Variants in PTPRD observed in about 807,000 individuals in gnomAD.
PTPRD encodes protein tyrosine phosphatase receptor type D, also known as receptor-type tyrosine-protein phosphatase delta.
A neutral mutation model predicts 214.5 loss-of-function variants in PTPRD; 34 were observed. The observed-to-expected ratio is 0.16, with a 90% CI of 0.12 to 0.21. The LOEUF (loss-of-function observed/expected upper bound fraction) is 0.21. PTPRD is among the 10% of genes least tolerant of loss of function. PTPRD has a pLI of 1.00. For synonymous variants in PTPRD, 1,128 were observed against 845.7 expected (o/e 1.33, Z -5.79); for missense variants, 2,545 against 2,398.7 (o/e 1.06, Z -1.27).
intron 5 of PTPRD, among the ~76,000 whole-genome samples, chr9:9,810,693 T>A (rs546040305): frequency 6.6e-6 from 1 of 152,106 alleles, no homozygotes; most frequent in East Asian, 1.9e-4. Context: ...GATGAAGGTA[T>A]AAAGGATATC....
At chr9:9,980,319 C>G (rs539555647) in intron 4 of PTPRD, among the ~76,000 whole-genome samples, 14 of 151,534 alleles carry the variant, frequency 9.2e-5, no homozygotes, top group Non-Finnish European at 1.9e-4. Flanking sequence ...ATTAAAACTT[C>G]GTGGATGGGC....
At chr9:10,429,787 A>C (rs907456618) in intron 2 of PTPRD, among the ~76,000 whole-genome samples, 2 of 151,770 alleles carry the variant, frequency 1.3e-5, no homozygotes, top group Admixed American at 6.6e-5. Context: ...TAATGGATAA[A>C]ATGTATGTTA....
At chr9:9,815,896 A>T (rs2048605342) in intron 5 of PTPRD, among the ~76,000 whole-genome samples, 1 of 152,158 alleles carries the variant, frequency 6.6e-6, no homozygotes, top group Non-Finnish European at 1.5e-5. Context: ...TGCTAAGTCC[A>T]AGATACTAAG....
intron 10 of PTPRD, among the ~76,000 whole-genome samples, chr9:9,074,843 G>C (rs909202439): frequency 1.9e-4 from 28 of 150,258 alleles, no homozygotes; most frequent in African/African-American, 6.6e-4. Context: ...ATCAGTTTTA[G>C]AACAAATTTA....
chr9:9,438,141 T>C (rs185915941), intron 8 of PTPRD, among the ~76,000 whole-genome samples: 19 of 152,304 alleles, frequency 1.2e-4, no homozygotes, highest in Non-Finnish European at 2.1e-4. Context: ...CTCAACCTAA[T>C]AAATTCACTT....
At chr9:9,706,077 A>G (rs2154418259) in intron 7 of PTPRD, among the ~76,000 whole-genome samples, 1 of 152,236 alleles carries the variant, frequency 6.6e-6, no homozygotes, top group East Asian at 1.9e-4. Context: ...AACACGCATA[A>G]CAGTTCCTGG....
intron 3 of PTPRD, among the ~76,000 whole-genome samples, chr9:10,308,754 C>T (rs1398051401): frequency 1.3e-5 from 2 of 151,856 alleles, no homozygotes; most frequent in African/African-American, 2.4e-5. Flanking sequence ...TGCAGTTTTC[C>T]TTGCAGAGGT....
chr9:9,601,152 T>TA (rs1554681732), intron 7 of PTPRD, among the ~76,000 whole-genome samples: 1 of 67,230 alleles, frequency 1.5e-5, no homozygotes, highest in Non-Finnish European at 2.7e-5. Context: ...TGTGTGTGTA[T>TA]GGGGGGGGGA....
intron 3 of PTPRD, among the ~76,000 whole-genome samples, chr9:10,335,813 T>C (rs1038663277): frequency 1.3e-5 from 2 of 151,764 alleles, no homozygotes; most frequent in African/African-American, 2.4e-5. Context: ...CCAAAGAATA[T>C]ATACACACGG....
intron 4 of PTPRD, among the ~76,000 whole-genome samples, chr9:9,957,102 G>A (rs1217979794): frequency 1.3e-5 from 2 of 152,026 alleles, no homozygotes; most frequent in East Asian, 3.9e-4. Context: ...AATTGTTTGA[G>A]AAAAAGCATG....
At chr9:9,737,586 G>A (rs1034187464) in intron 6 of PTPRD, among the ~76,000 whole-genome samples, 4 of 151,842 alleles carry the variant, frequency 2.6e-5, no homozygotes, top group Admixed American at 1.3e-4. Flanking sequence ...TCATATAAAT[G>A]GAATCACACA....
rs541877588 is a variant in PTPRD at position 9,084,664 on chromosome 9, C to A, written c.-142-65929G>T. ...GTTATTTTTAAGCAGAGGTAATGTA[C>A]TGGCCTCTGTCCCTAACAATGGTAG... On this transcript the variant is annotated intron_variant, in intron 10 of 45. Coordinates refer to ENST00000381196, the MANE Select transcript of PTPRD (RefSeq NM_002839.4). Among the ~76,000 whole-genome samples, 9 of 152,090 alleles carry A rather than the reference C, an allele frequency of 5.9e-5. No homozygotes were observed. In the East Asian group the frequency reaches 1.7e-3, roughly 29 times the overall value.
At chr9:8,483,252 TA>T (rs1337488234) in intron 30 of PTPRD, among the ~76,000 whole-genome samples, 2 of 152,240 alleles carry the variant, frequency 1.3e-5, no homozygotes, top group Non-Finnish European at 2.9e-5. Flanking sequence ...TTCTAATGTT[TA>T]TATTTTTTCC....
At chr9:10,129,645 C>A (rs781578337) in intron 3 of PTPRD, among the ~76,000 whole-genome samples, 1 of 151,892 alleles carries the variant, frequency 6.6e-6, no homozygotes, top group Non-Finnish European at 1.5e-5. Context: ...CAAATTCATT[C>A]CAGATATACT....
chr9:9,006,356 A>G (rs985254431), intron 11 of PTPRD, among the ~76,000 whole-genome samples: 2 of 152,086 alleles, frequency 1.3e-5, no homozygotes, highest in Non-Finnish European at 2.9e-5. Flanking sequence ...GTTCTCAAGA[A>G]TGAACAAAAC....
chr9:8,534,625 G>T (rs2076488057), intron 14 of PTPRD, among the ~76,000 whole-genome samples: 1 of 150,954 alleles, frequency 6.6e-6, no homozygotes, highest in South Asian at 2.1e-4. Flanking sequence ...GACATTCCTA[G>T]AGTATATATA....
intron 11 of PTPRD, chr9:8,962,662 G>A (rs535980780): frequency 6.6e-6 from 1 of 151,840 alleles, no homozygotes; most frequent in African/African-American, 2.4e-5. Flanking sequence ...TCTGAATGTG[G>A]GGTACTAAAA....
At chr9:10,200,696 G>T (rs1275338718) in intron 3 of PTPRD, among the ~76,000 whole-genome samples, 1 of 152,046 alleles carries the variant, frequency 6.6e-6, no homozygotes, top group East Asian at 1.9e-4. Context: ...GAAGTAAACA[G>T]TTACAATCAT....
intron 2 of PTPRD, among the ~76,000 whole-genome samples, chr9:10,573,674 C>G (rs2068198949): frequency 6.6e-6 from 1 of 152,092 alleles, no homozygotes; most frequent in Admixed American, 6.6e-5. Flanking sequence ...TACAGCGCAC[C>G]TGGACTCTTT....
Sources: allele counts gnomAD v4.1 joint callset (sites outside exome capture counted in the v4.1 genomes callset), GRCh38; gene constraint gnomAD v4.1.1; transcripts MANE v1.5; gene names NCBI Gene and HGNC (gene_info 2026-07-23, HGNC 2026-07-21).